The following OSBPL6 variants were observed in gnomAD, a reference collection of about 807,000 sequenced individuals.
OSBPL6 encodes oxysterol binding protein like 6, also known as oxysterol-binding protein-related protein 6.
A neutral mutation model predicts 125.8 loss-of-function variants in OSBPL6; 49 were observed. The ratio of observed to expected loss-of-function variants is 0.39; its 90% CI spans 0.31 to 0.49. OSBPL6 has a LOEUF of 0.49. Among genes scored for constraint, OSBPL6 ranks in the 20% least tolerant of loss-of-function variants. The pLI is 0.88. For missense variants in OSBPL6, 986 were observed against 1,135.4 expected, an observed-to-expected ratio of 0.87 and a Z score of 1.89; for synonymous variants, 394 against 391.8, an observed-to-expected ratio of 1.01 and a Z score of -0.07.
At chr2:178,360,599 C>T (rs1057365915) in intron 12 of OSBPL6, among the ~76,000 whole-genome samples, 2 of 152,100 alleles carry the variant, frequency 1.3e-5, no homozygotes, top group Non-Finnish European at 2.9e-5. Context: ...TCCATTGAAA[C>T]TACATATTTT....
rs775152486 is a variant in OSBPL6, at chr2:178,383,181, C to T, written c.1779C>T (p.Asn593=). 30 of 1,610,718 alleles carry T rather than the reference C, an allele frequency of 1.9e-5. No individual in the cohort carries two copies. Among genetic ancestry groups the T allele is most frequent in the African/African-American group, 1.1e-4 (8 of 74,796 alleles). ...LSKVSMPVEL[N]EPLNTLQHLC... ...AAGTCTCTATGCCTGTGGAGCTAAA[C>T]GAGCCGCTCAACACCCTGCAGCACC... is the stretch of plus-strand genomic sequence containing the variant. Residue 593 remains asparagine (N), a synonymous_variant, in exon 17 of 25, where the codon AAC becomes AAT. Coordinates refer to ENST00000190611, the MANE Select transcript of OSBPL6 (RefSeq NM_032523.4).
chr2:178,234,502 G>A (rs1034473184), intron 1 of OSBPL6, among the ~76,000 whole-genome samples: 1 of 152,060 alleles, frequency 6.6e-6, no homozygotes, highest in Non-Finnish European at 1.5e-5. Context: ...GTACAGGGAG[G>A]TACTGTGTAC....
At chr2:178,339,312 A>G (rs1689984501) in intron 10 of OSBPL6, among the ~76,000 whole-genome samples, 1 of 152,218 alleles carries the variant, frequency 6.6e-6, no homozygotes. Flanking sequence ...CACACTAACC[A>G]AAAGAAATAC....
chr2:178,341,433 AT>A lies in OSBPL6; in HGVS notation c.987+1676del, dbSNP rs1485369124. Reference sequence around the variant, plus strand: ...TTACATAGACAGAAAAGTTATGAAGATTTTTTTGAGTCATCAGGAGAAAATG... The same window carrying A: ...TTACATAGACAGAAAAGTTATGAAGATTTTTTGAGTCATCAGGAGAAAATG... On this transcript the variant is annotated intron_variant, in intron 11 of 24. Transcript: ENST00000190611. Among the ~76,000 whole-genome samples the A allele has an allele frequency of 2.6e-5, 4 of 151,162 alleles. No homozygotes were observed. The East Asian group carries it at 5.8e-4, about 22-fold the overall frequency.
rs988318498 is a variant in OSBPL6 at position 178,384,319 on chromosome 2, T to G, written c.2013+143T>G. ...AGTATCTGAGACAGGTCTTAATCAG[T>G]TTAGAAAGTTTATTTTGCCAAGGTT... On this transcript the variant is annotated intron_variant, in intron 18 of 24. Transcript: ENST00000190611. 2.1e-5 allele frequency: 24 copies of G among 1,153,608 alleles called. No homozygotes were observed. In the East Asian group the frequency reaches 5.7e-4, roughly 27 times the overall value. 71.5% of individuals were successfully genotyped at this position (1,153,608 alleles called of 1,614,324 possible). A position where few individuals can be genotyped will look rare whatever the true frequency, so the allele number is the denominator to read the frequency against.
chr2:178,387,714 G>A (rs1361762518), intron 20 of OSBPL6, among the ~76,000 whole-genome samples: 1 of 152,130 alleles, frequency 6.6e-6, no homozygotes, highest in East Asian at 1.9e-4. Flanking sequence ...TTGAATATTT[G>A]AACATGTAGG....
At chr2:178,240,732 G>T (rs762479744) in intron 1 of OSBPL6, among the ~76,000 whole-genome samples, 1 of 152,158 alleles carries the variant, frequency 6.6e-6, no homozygotes, top group Non-Finnish European at 1.5e-5. Flanking sequence ...TAGCCTGGGC[G>T]ACAGAACAAG....
At chr2:178,257,467 T>C (rs1339733543) in intron 1 of OSBPL6, among the ~76,000 whole-genome samples, 1 of 152,226 alleles carries the variant, frequency 6.6e-6, no homozygotes, top group East Asian at 1.9e-4. Context: ...GCAGGAAATA[T>C]TAAAAAGTGA....
chr2:178,374,398 G>A (rs1308264996), intron 15 of OSBPL6, among the ~76,000 whole-genome samples: 1 of 152,224 alleles, frequency 6.6e-6, no homozygotes, highest in Non-Finnish European at 1.5e-5. Flanking sequence ...CACCGTTCAT[G>A]CGCATACACA....
At chr2:178,309,570 G>A (rs868104018) in intron 3 of OSBPL6, among the ~76,000 whole-genome samples, 2 of 152,286 alleles carry the variant, frequency 1.3e-5, no homozygotes, top group East Asian at 1.9e-4. Context: ...GAGGAGCTAC[G>A]AAATAAAATG....
At chr2:178,262,433 G>T (rs1240031166) in intron 1 of OSBPL6, among the ~76,000 whole-genome samples, 2 of 151,990 alleles carry the variant, frequency 1.3e-5, no homozygotes, top group Non-Finnish European at 2.9e-5. Context: ...AGTATTTTAG[G>T]GTAGTAACAA....
At chr2:178,307,209 G>A (rs1686841614) in intron 3 of OSBPL6, among the ~76,000 whole-genome samples, 1 of 152,078 alleles carries the variant, frequency 6.6e-6, no homozygotes, top group Admixed American at 6.5e-5. Context: ...GTGAGCATCA[G>A]TTATTTGATT....
At chr2:178,373,746 C>A (rs1377226016) in intron 14 of OSBPL6, 144 bp from the exon 15 acceptor site, 2 of 932,722 alleles carry the variant, frequency 2.1e-6, no homozygotes, top group South Asian at 1.8e-5. Context: ...ATACAGTGAT[C>A]ATTGCTGAAT....
chr2:178,324,184 A>G lies in OSBPL6; in HGVS notation c.110A>G (p.His37Arg), dbSNP rs752567909. The change falls in exon 4 of 25, where the codon CAC (histidine) becomes CGC (arginine). Residue 37 changes from histidine to arginine, a missense_variant. Physicochemically the swap from His to Arg is conservative, Grantham distance 29. This residue lies in a region of OSBPL6 where 130 missense variants were observed against 106.4 expected (regional missense o/e 1.22). Transcript: ENST00000190611. ...SSQRDSRQSI[H>R]ILERTASSST... ...GTTTTCATTTATTTTCAGAGTATTCACATACTGGAGAGGACTGCTTCCTCT... is the reference window on the plus strand; with the variant it reads ...GTTTTCATTTATTTTCAGAGTATTCGCATACTGGAGAGGACTGCTTCCTCT... 1.3e-6 allele frequency: 2 copies of G among 1,538,542 alleles called. No homozygotes were observed. Among genetic ancestry groups the G allele is most frequent in the East Asian group, 4.6e-5 (2 of 43,496 alleles).
chr2:178,247,772 G>A (rs1270874227), intron 1 of OSBPL6, among the ~76,000 whole-genome samples: 1 of 152,126 alleles, frequency 6.6e-6, no homozygotes, highest in African/African-American at 2.4e-5. Flanking sequence ...TTTCCTTGGG[G>A]AGTATTTTGT....
chr2:178,400,018 C>T lies in OSBPL6; in HGVS notation c.*4459C>T, dbSNP rs1260305928. 6.6e-6 allele frequency: 1 copy of T among 151,914 alleles called. No individual in the cohort carries two copies. The highest frequency in any genetic ancestry group is 1.9e-4 in the East Asian group (1 of 5,176). The allele number at this position is 151,914 out of a possible 1,614,324, so 9.4% of individuals were successfully genotyped here. A position where few individuals can be genotyped will look rare whatever the true frequency, so the allele number is the denominator to read the frequency against. ...CCTTCCTCCCAAATAGAAGTGAGGGCAATTGTAGAGAGAGGAATATTAAGT... is the reference window on the plus strand; with the variant it reads ...CCTTCCTCCCAAATAGAAGTGAGGGTAATTGTAGAGAGAGGAATATTAAGT... On this transcript the variant is annotated 3_prime_UTR_variant, in exon 25 of 25. Transcript: ENST00000190611.
chr2:178,339,919 T>C (rs907325003), intron 11 of OSBPL6, among the ~76,000 whole-genome samples, 155 bp downstream of exon 11: 1 of 152,102 alleles, frequency 6.6e-6, no homozygotes, highest in Non-Finnish European at 1.5e-5. Flanking sequence ...TAGTGGAAAA[T>C]CTCTATATTT....
intron 1 of OSBPL6, among the ~76,000 whole-genome samples, chr2:178,274,493 T>C (rs2092432020): frequency 6.6e-6 from 1 of 152,136 alleles, no homozygotes; most frequent in African/African-American, 2.4e-5. Flanking sequence ...GTACTGTTAC[T>C]CTCTCCATCT....
At chr2:178,356,191 C>G (rs1042004500) in intron 12 of OSBPL6, among the ~76,000 whole-genome samples, 1 of 152,166 alleles carries the variant, frequency 6.6e-6, no homozygotes, top group African/African-American at 2.4e-5. Context: ...ACACAGATGC[C>G]ATCTGTCACC....
Sources: allele counts gnomAD v4.1 joint callset (sites outside exome capture counted in the v4.1 genomes callset), GRCh38; gene constraint gnomAD v4.1.1; regional missense constraint gnomAD v4.1.1; transcripts MANE v1.5; gene names NCBI Gene and HGNC (gene_info 2026-07-23, HGNC 2026-07-21).